PPFIA1: variants seen among roughly 807,000 people sequenced by gnomAD.
The protein encoded by PPFIA1 is PPFI scaffold protein A1, also known as liprin-alpha-1.
In PPFIA1, 25 loss-of-function variants were observed where a neutral mutation model predicts 149.9. The ratio of observed to expected loss-of-function variants is 0.17; its 90% confidence interval spans 0.12 to 0.23. The LOEUF (loss-of-function observed/expected upper bound fraction) is 0.23. Among genes scored for constraint, PPFIA1 ranks in the 10% least tolerant of loss-of-function variants. PPFIA1 has a pLI of 1.00. For synonymous variants in PPFIA1, 549 were observed against 552.8 expected (o/e 0.99, Z 0.10); for missense variants, 1,362 against 1,506.5 (o/e 0.90, Z 1.59).
chr11:70,335,740 C>G, intron 11 of PPFIA1, 46 bp downstream of exon 11: 1 of 1,605,968 alleles, frequency 6.2e-7, no homozygotes, highest in Non-Finnish European at 8.5e-7. Context: ...CACCCTCTGC[C>G]AAAAGATTGC....
intron 25 of PPFIA1, among the ~76,000 whole-genome samples, chr11:70,377,337 A>G (rs576760120): frequency 4.6e-5 from 7 of 152,266 alleles, no homozygotes; most frequent in African/African-American, 1.7e-4. Flanking sequence ...AAAACACAAA[A>G]TGTTAATTTC....
intron 2 of PPFIA1, among the ~76,000 whole-genome samples, chr11:70,309,099 A>C (rs1223708624): frequency 1.3e-5 from 2 of 151,610 alleles, no homozygotes; most frequent in Non-Finnish European, 2.9e-5. Context: ...TTTTACTAAT[A>C]TATACTTGAA....
intron 2 of PPFIA1, among the ~76,000 whole-genome samples, chr11:70,311,387 G>A (rs960191334): frequency 5.3e-5 from 8 of 152,132 alleles, no homozygotes; most frequent in Non-Finnish European, 1.0e-4. Flanking sequence ...CAGTGATGAG[G>A]GCGTGTGTGA....
chr11:70,335,263 T>C (rs145274801), intron 10 of PPFIA1, among the ~76,000 whole-genome samples: 70 of 152,322 alleles, frequency 4.6e-4, no homozygotes, highest in African/African-American at 1.6e-3. Flanking sequence ...TCTAAATATC[T>C]GCTATAAATC....
chr11:70,308,958 T>G (rs1348224061), intron 2 of PPFIA1, among the ~76,000 whole-genome samples: 1 of 152,162 alleles, frequency 6.6e-6, no homozygotes, highest in Non-Finnish European at 1.5e-5. Flanking sequence ...AAGGTGATTG[T>G]AGAAGGCTTT....
intron 10 of PPFIA1, among the ~76,000 whole-genome samples, chr11:70,334,173 A>C (rs1288646594): frequency 6.6e-6 from 1 of 152,180 alleles, no homozygotes; most frequent in Non-Finnish European, 1.5e-5. Context: ...AACATCCAGG[A>C]AAAAGATATA....
At chr11:70,338,903 C>T (rs1048748782) in intron 13 of PPFIA1, among the ~76,000 whole-genome samples, 2 of 152,214 alleles carry the variant, frequency 1.3e-5, no homozygotes, top group South Asian at 2.1e-4. Context: ...CTCTCTCATC[C>T]TAGACAGCTG....
intron 16 of PPFIA1, among the ~76,000 whole-genome samples, chr11:70,353,853 T>C (rs1352548681): frequency 6.6e-6 from 1 of 152,242 alleles, no homozygotes; most frequent in Non-Finnish European, 1.5e-5. Context: ...TTGCCCTCTC[T>C]AGTGTTTCTT....
At chr11:70,345,992 T>G (rs1173506716) in intron 15 of PPFIA1, 3 of 455,006 alleles carry the variant, frequency 6.6e-6, no homozygotes. Flanking sequence ...ACATGGACAG[T>G]GAGTGCTCAG....
intron 2 of PPFIA1, among the ~76,000 whole-genome samples, chr11:70,312,313 G>A (rs898925830): frequency 8.6e-5 from 13 of 151,300 alleles, no homozygotes; most frequent in African/African-American, 2.2e-4. Context: ...ACGTCAGCCC[G>A]CAAAGTAGCT....
intron 2 of PPFIA1, chr11:70,279,273 C>T (rs139239895): frequency 7.8e-6 from 2 of 256,490 alleles, no homozygotes; most frequent in African/African-American, 4.5e-5. Context: ...TTTCTGGAGT[C>T]CTTCCCAGCC....
At chr11:70,292,216 T>C (rs2051583621) in intron 2 of PPFIA1, among the ~76,000 whole-genome samples, 1 of 152,140 alleles carries the variant, frequency 6.6e-6, no homozygotes, top group Admixed American at 6.5e-5. Context: ...ACTCCTGGGC[T>C]CAAGTGACCC....
chr11:70,325,244 T>A, intron 4 of PPFIA1: 1 of 435,786 alleles, frequency 2.3e-6, no homozygotes, highest in Non-Finnish European at 3.9e-6. Flanking sequence ...GTTGCAAAAG[T>A]AATTGTGGGC....
At chr11:70,287,333 A>G (rs2051214114) in intron 2 of PPFIA1, among the ~76,000 whole-genome samples, 1 of 152,104 alleles carries the variant, frequency 6.6e-6, no homozygotes, top group African/African-American at 2.4e-5. Flanking sequence ...CTTTGTAAAT[A>G]AGCCGTTGTC....
At chr11:70,336,552 C>T (rs1168375281) in intron 11 of PPFIA1, among the ~76,000 whole-genome samples, 3 of 151,162 alleles carry the variant, frequency 2.0e-5, no homozygotes, top group Non-Finnish European at 4.4e-5. Flanking sequence ...ATAAATAGGT[C>T]ACTTAGGTTG....
intron 19 of PPFIA1, among the ~76,000 whole-genome samples, chr11:70,360,036 C>G (rs1255793211): frequency 6.6e-6 from 1 of 152,250 alleles, no homozygotes; most frequent in Non-Finnish European, 1.5e-5. Flanking sequence ...TCTTACAGAT[C>G]ATGGACTGGT....
At chr11:70,279,236 G>T in intron 2 of PPFIA1, 1 of 341,448 alleles carries the variant, frequency 2.9e-6, no homozygotes, top group Non-Finnish European at 5.6e-6. Flanking sequence ...TGGCTCTCTT[G>T]TGAGTGGGAA....
At chr11:70,276,353 TA>T (rs1591015890) in intron 2 of PPFIA1, among the ~76,000 whole-genome samples, 1 of 151,854 alleles carries the variant, frequency 6.6e-6, no homozygotes, top group Non-Finnish European at 1.5e-5. Context: ...ACCTCCCTTT[TA>T]AAAAAAATTT....
At chr11:70,359,434 A>G (rs1356880663) in intron 19 of PPFIA1, among the ~76,000 whole-genome samples, 3 of 152,176 alleles carry the variant, frequency 2.0e-5, no homozygotes, top group African/African-American at 7.2e-5. Context: ...GGGAGGGGCT[A>G]TGCCTGGGTC....
Sources: allele counts gnomAD v4.1 joint callset (sites outside exome capture counted in the v4.1 genomes callset), GRCh38; gene constraint gnomAD v4.1.1; transcripts MANE v1.5; gene names NCBI Gene and HGNC (gene_info 2026-07-23, HGNC 2026-07-21).